XXYLT1: variants seen among roughly 807,000 people sequenced by gnomAD.
XXYLT1 encodes the protein UDP-xylose:alpha-xyloside alpha-1,3-xylosyltransferase.
Under a neutral mutation model 28.9 loss-of-function variants are expected in XXYLT1, and 20 were observed. The observed-to-expected ratio is 0.69, with a 90% confidence interval of 0.49 to 1.00. The LOEUF (loss-of-function observed/expected upper bound fraction) is 1.00. Ranked by LOEUF, XXYLT1 falls within the 50% of genes least tolerant of loss-of-function variation. XXYLT1 has a pLI of 0.00. For synonymous variants in XXYLT1, 257 were observed against 253.8 expected (o/e 1.01, Z -0.12); for missense variants, 542 against 560.1 (o/e 0.97, Z 0.33).
At chr3:195,159,933 G>A (rs1478081417) in intron 2 of XXYLT1, among the ~76,000 whole-genome samples, 2 of 152,068 alleles carry the variant, frequency 1.3e-5, no homozygotes, top group East Asian at 1.9e-4. Context: ...CTGTCAAAGC[G>A]CTCTTCTCCA....
chr3:195,260,009 T>A (rs1199484134), intron 1 of XXYLT1: 1 of 152,384 alleles, frequency 6.6e-6, no homozygotes, highest in Non-Finnish European at 1.5e-5. Context: ...TCAAAGCCGG[T>A]TTACCGGCGG....
intron 3 of XXYLT1, among the ~76,000 whole-genome samples, chr3:195,139,522 C>T (rs73062362): frequency 0.042 from 6,441 of 152,276 alleles, 465 homozygotes; most frequent in African/African-American, 0.15. Context: ...TGTGCTCAGC[C>T]GCTCAGCTGC....
intron 2 of XXYLT1, among the ~76,000 whole-genome samples, chr3:195,214,450 C>T (rs992475845): frequency 9.2e-5 from 14 of 152,140 alleles, no homozygotes; most frequent in African/African-American, 1.4e-4. Context: ...CCCCCACCCC[C>T]GTCAATCCTC....
chr3:195,242,298 A>G (rs939782052), intron 1 of XXYLT1, among the ~76,000 whole-genome samples: 19 of 152,178 alleles, frequency 1.2e-4, no homozygotes, highest in African/African-American at 3.6e-4. Context: ...GACTTACTCT[A>G]AACATTCCGG....
At position 195,156,502 on chromosome 3, in the gene XXYLT1, A is replaced by G; in HGVS notation, c.732T>C (p.Ser244=). ...NIRELFEEFD[S]FLPGAIIGIA... is the part of the protein sequence containing the mutation. ...TGCCGATGATGGCGCCTGGCAGGAAACTGTCAAATTCCTCAAACAACTCCC... is the reference window on the plus strand; with the variant it reads ...TGCCGATGATGGCGCCTGGCAGGAAGCTGTCAAATTCCTCAAACAACTCCC... The change falls in exon 3 of 4, where the codon AGT becomes AGC. Residue 244 remains serine, a synonymous_variant. Coordinates refer to ENST00000310380, the MANE Select transcript of XXYLT1 (RefSeq NM_152531.5). 2 of 1,614,218 alleles carry G rather than the reference A, an allele frequency of 1.2e-6. No individual in the cohort carries two copies. The highest frequency in any genetic ancestry group is 1.7e-6 in the Non-Finnish European group (2 of 1,180,042).
intron 1 of XXYLT1, among the ~76,000 whole-genome samples, chr3:195,231,714 G>A (rs1399593810): frequency 1.3e-5 from 2 of 150,482 alleles, no homozygotes; most frequent in African/African-American, 4.9e-5. Context: ...AACCATTCTT[G>A]TATCCTTGGG....
intron 2 of XXYLT1, among the ~76,000 whole-genome samples, chr3:195,193,210 C>A (rs1014257284): frequency 6.6e-6 from 1 of 151,586 alleles, no homozygotes; most frequent in Non-Finnish European, 1.5e-5. Flanking sequence ...ATCGCTTGAA[C>A]CCGGGAGGTG....
rs565375777 is a variant in XXYLT1 at position 195,180,868 on chromosome 3, AG to A, written c.653-24288del. Among the ~76,000 whole-genome samples, 17 of 152,378 alleles carry A rather than the reference AG, an allele frequency of 1.1e-4. No homozygotes were observed. The East Asian group carries it at 1.9e-3, about 17-fold the overall frequency. On this transcript the variant is annotated intron_variant, in intron 2 of 3. Coordinates refer to ENST00000310380, the MANE Select transcript of XXYLT1 (RefSeq NM_152531.5). This position sits in a 1 kb window ranked among gnomAD's most constrained non-coding sequence, Gnocchi z 5.8. Reference sequence around the variant, plus strand: ...GGGGTCCTCAAGGCCACTGTCGCCCAGACCTTTAGCTATACAAAAGTAAGTG... The same window carrying A: ...GGGGTCCTCAAGGCCACTGTCGCCCAACCTTTAGCTATACAAAAGTAAGTG...
In XXYLT1 at chr3:195,221,377, G is replaced by C. The variant is rs138371628; in HGVS notation, c.652+5332C>G. Among the ~76,000 whole-genome samples the C allele has an allele frequency of 9.8e-5, 15 of 152,364 alleles. No homozygotes were observed. The East Asian group carries it at 2.9e-3, about 29-fold the overall frequency. ...CCCACTGACATGAGCCCATGAAGCAGCAGCCCAGCAAACATCTCTGAGACA... is the reference window on the plus strand; with the variant it reads ...CCCACTGACATGAGCCCATGAAGCACCAGCCCAGCAAACATCTCTGAGACA... On this transcript the variant is annotated intron_variant, in intron 2 of 3. Coordinates refer to ENST00000310380, the MANE Select transcript of XXYLT1 (RefSeq NM_152531.5).
rs1034554105 is a variant in XXYLT1 at position 195,078,370 on chromosome 3, G to A, written c.786-8259C>T. On this transcript the variant is annotated intron_variant, in intron 3 of 3. Transcript: ENST00000310380. The surrounding 1 kb of genome is among the most constrained non-coding windows in gnomAD (Gnocchi z 5.0). ...CTGACAGCCGAGAGGCCCGTAGCGAGTCAGGCCATGGGGGCCTTTTCTGCT... is the reference window on the plus strand; with the variant it reads ...CTGACAGCCGAGAGGCCCGTAGCGAATCAGGCCATGGGGGCCTTTTCTGCT... Among the ~76,000 whole-genome samples, 21 of 152,126 alleles carry A rather than the reference G, an allele frequency of 1.4e-4. No individual in the cohort carries two copies. The highest frequency in any genetic ancestry group is 5.1e-4 in the African/African-American group (21 of 41,424).
intron 2 of XXYLT1, among the ~76,000 whole-genome samples, chr3:195,181,329 G>A (rs148602350): frequency 6.6e-6 from 1 of 152,206 alleles, no homozygotes; most frequent in Non-Finnish European, 1.5e-5. Flanking sequence ...GCCACCAGGC[G>A]TGCCTTTATG....
rs771372030 is a variant in XXYLT1, at chr3:195,271,052, GGCCCATGCGCTACGAGACCGCGGCGCCA to G, written c.-22_6del. ...GCGCATGGGAGCCCGCCTCGGAGGA[GGCCCATGCGCTACGAGACCGCGGCGCCA>G]GCGGTGCCAGCAACGCGGGAGAGCC... On this transcript the variant is annotated start_lost and 5_prime_UTR_variant, in exon 1 of 4. Transcript: ENST00000310380. 1.4e-6 allele frequency: 2 copies of G among 1,410,644 alleles called. No individual in the cohort carries two copies. Among genetic ancestry groups the G allele is most frequent in the South Asian group, 2.9e-5 (2 of 68,424 alleles). The allele number at this position is 1,410,644 out of a possible 1,614,324, so 87.4% of individuals were successfully genotyped here.
Position 195,124,890 on chromosome 3 carries a change from A to G in XXYLT1, c.785+31559T>C, listed in dbSNP as rs1028105643. ...TTTCACGGACGCAGCACACATCTGT[A>G]TTTTCTATCAGGCTGCGGGTGCACA... On this transcript the variant is annotated intron_variant, in intron 3 of 3. Transcript: ENST00000310380. This position sits in a 1 kb window ranked among gnomAD's most constrained non-coding sequence, Gnocchi z 4.1. Among the ~76,000 whole-genome samples the G allele has an allele frequency of 2.0e-5, 3 of 152,114 alleles. No individual in the cohort carries two copies. The highest frequency in any genetic ancestry group is 4.8e-5 in the African/African-American group (2 of 41,410).
chr3:195,075,958 C>T (rs1029787175), intron 3 of XXYLT1, among the ~76,000 whole-genome samples: 3 of 152,072 alleles, frequency 2.0e-5, no homozygotes, highest in Non-Finnish European at 4.4e-5. Context: ...GCTGGGGCAC[C>T]GGGCCCCACA....
At chr3:195,095,838 G>A (rs1293105090) in intron 3 of XXYLT1, 3 of 152,198 alleles carry the variant, frequency 2.0e-5, no homozygotes, top group Non-Finnish European at 4.4e-5. Flanking sequence ...GGATGAGTAA[G>A]GTGCTTTCAG....
In XXYLT1 at chr3:195,133,702, G is replaced by A. The variant is rs1027817556; in HGVS notation, c.785+22747C>T. Among the ~76,000 whole-genome samples the A allele has an allele frequency of 2.6e-5, 4 of 152,154 alleles. No homozygotes were observed. Among genetic ancestry groups the A allele is most frequent in the South Asian group, 2.1e-4 (1 of 4,834 alleles). On this transcript the variant is annotated intron_variant, in intron 3 of 3. Coordinates refer to ENST00000310380, the MANE Select transcript of XXYLT1 (RefSeq NM_152531.5). The surrounding 1 kb of genome is among the most constrained non-coding windows in gnomAD (Gnocchi z 4.4). ...ATACAGTCACGCACCACGTGACGAC[G>A]TTGCAGTCAACGACAGAACACACGA...
intron 2 of XXYLT1, among the ~76,000 whole-genome samples, chr3:195,157,841 C>T (rs1720685817): frequency 6.6e-6 from 1 of 152,200 alleles, no homozygotes; most frequent in African/African-American, 2.4e-5. Context: ...ACTTCCAGTT[C>T]TGCTGCTGAT....
intron 1 of XXYLT1, among the ~76,000 whole-genome samples, chr3:195,239,402 C>T (rs1202836493): frequency 1.3e-5 from 2 of 152,072 alleles, no homozygotes; most frequent in African/African-American, 2.4e-5. Flanking sequence ...GCCACCCCTT[C>T]GACCTCCCCT....
intron 3 of XXYLT1, among the ~76,000 whole-genome samples, chr3:195,140,588 T>C (rs1235477156): frequency 1.3e-5 from 2 of 151,928 alleles, no homozygotes; most frequent in African/African-American, 4.8e-5. Context: ...ACAATCATGG[T>C]GGAAGGTGTA....
Sources: allele counts gnomAD v4.1 joint callset (sites outside exome capture counted in the v4.1 genomes callset), GRCh38; gene constraint gnomAD v4.1.1; non-coding constraint Gnocchi (gnomAD v3.1); transcripts MANE v1.5; gene names NCBI Gene and HGNC (gene_info 2026-07-23, HGNC 2026-07-21).